The following ZFHX3 variants were observed in gnomAD, a reference collection of about 807,000 sequenced individuals.
ZFHX3 encodes zinc finger homeobox 3.
Under a neutral mutation model 279.1 loss-of-function variants are expected in ZFHX3, and 42 were observed. The ratio of observed to expected loss-of-function variants is 0.15; its 90% CI spans 0.12 to 0.19. The LOEUF is 0.19. Among genes scored for constraint, ZFHX3 ranks in the 10% least tolerant of loss-of-function variants. ZFHX3 has a pLI of 1.00. For synonymous variants in ZFHX3, 2,293 were observed against 1,957.8 expected (o/e 1.17, Z -4.52); for missense variants, 4,981 against 4,754.0 (o/e 1.05, Z -1.40).
chr16:73,180,270 G>C (rs1214084757), intron 5 of ZFHX3, among the ~76,000 whole-genome samples: 1 of 152,112 alleles, frequency 6.6e-6, no homozygotes, highest in Non-Finnish European at 1.5e-5. Context: ...AAATTTAAAG[G>C]CATGTTGGGA....
intron 1 of ZFHX3, among the ~76,000 whole-genome samples, chr16:73,746,853 G>C (rs1435918574): frequency 1.3e-5 from 2 of 152,178 alleles, no homozygotes; most frequent in African/African-American, 4.8e-5. Context: ...CTACTATTAA[G>C]AGACTAGCCT....
At chr16:73,640,070 T>A (rs2052560720) in intron 2 of ZFHX3, among the ~76,000 whole-genome samples, 1 of 152,192 alleles carries the variant, frequency 6.6e-6, no homozygotes, top group African/African-American at 2.4e-5. Context: ...TCCTGTTTCA[T>A]TTCTTCAGAA....
intron 1 of ZFHX3, among the ~76,000 whole-genome samples, chr16:73,027,352 C>G (rs1250763298): frequency 6.6e-6 from 1 of 152,246 alleles, no homozygotes; most frequent in Non-Finnish European, 1.5e-5. Context: ...ACTCTCCAGT[C>G]CAGTCAAAAT....
At position 73,874,764 on chromosome 16, in the gene ZFHX3, T is replaced by C. The variant is rs117790023; in HGVS notation, c.-1608+16887A>G. On this transcript the variant is annotated intron_variant, in intron 1 of 17. Coordinates refer to the ZFHX3 transcript ENST00000641206. ...AAAACTGAATATTCACATACAAAAA[T>C]TCACATATTATCCTGCCTTTCTGTT... Among the ~76,000 whole-genome samples, 447 of 152,316 alleles carry C rather than the reference T, an allele frequency of 2.9e-3. 3 individuals carry two copies. Among genetic ancestry groups the C allele is most frequent in the Non-Finnish European group, 4.9e-3 (333 of 68,024 alleles).
chr16:73,424,089 C>A (rs1452923758), intron 3 of ZFHX3, among the ~76,000 whole-genome samples: 1 of 152,078 alleles, frequency 6.6e-6, no homozygotes, highest in Non-Finnish European at 1.5e-5. Flanking sequence ...GAGAGCCCAC[C>A]CTACCACTAC....
rs148412351 is a variant in ZFHX3 at position 73,434,952 on chromosome 16, T to C, written c.-1291+21051A>G. Among the ~76,000 whole-genome samples, 753 of 152,284 alleles carry C rather than the reference T, an allele frequency of 4.9e-3. 4 individuals carry two copies. Among genetic ancestry groups the C allele is most frequent in the South Asian group, 0.013 (65 of 4,828 alleles). ...TCGTGGGGTGGATTAAATGAATGAA[T>C]ACCTCTGCAATGCATCAATAGTGCC... is the stretch of plus-strand genomic sequence containing the variant. On this transcript the variant is annotated intron_variant, in intron 3 of 17. Coordinates refer to the ZFHX3 transcript ENST00000641206.
At chr16:72,800,723 C>CAAGGG in intron 7 of ZFHX3, among the ~76,000 whole-genome samples, 1 of 150,440 alleles carries the variant, frequency 6.6e-6, no homozygotes, top group South Asian at 2.1e-4. Flanking sequence ...AAGCTGACAT[C>CAAGGG]AAGCACAAAC....
intron 1 of ZFHX3, among the ~76,000 whole-genome samples, chr16:72,977,102 G>A (rs750636939): frequency 2.0e-5 from 3 of 152,200 alleles, no homozygotes; most frequent in East Asian, 1.9e-4. Context: ...CTTTGATGTC[G>A]AGTTGACAAG....
At chr16:72,909,674 C>T (rs554254687) in intron 3 of ZFHX3, among the ~76,000 whole-genome samples, 26 of 151,926 alleles carry the variant, frequency 1.7e-4, no homozygotes, top group East Asian at 9.7e-4. Context: ...CTCAGGAGTT[C>T]GAGACCAGCC....
chr16:73,664,033 G>A (rs983783454), intron 2 of ZFHX3, among the ~76,000 whole-genome samples: 3 of 152,128 alleles, frequency 2.0e-5, no homozygotes, highest in East Asian at 1.9e-4. Flanking sequence ...TAGACAAATT[G>A]TTTTCAAAGA....
chr16:73,781,264 G>A (rs1344690680), intron 1 of ZFHX3, among the ~76,000 whole-genome samples: 2 of 152,140 alleles, frequency 1.3e-5, no homozygotes, highest in Non-Finnish European at 1.5e-5. Context: ...ACATTCATCA[G>A]AATTTTACCT....
intron 8 of ZFHX3, among the ~76,000 whole-genome samples, 160 bp from the exon 9 acceptor site, chr16:72,798,874 G>T (rs1305988094): frequency 6.6e-6 from 1 of 152,214 alleles, no homozygotes; most frequent in East Asian, 1.9e-4. Context: ...AGCGCCTCCT[G>T]CTTTCTTTTG....
chr16:73,553,267 T>C (rs895607422), intron 2 of ZFHX3, among the ~76,000 whole-genome samples: 37 of 152,158 alleles, frequency 2.4e-4, no homozygotes, highest in African/African-American at 8.2e-4. Flanking sequence ...GATTTCACCT[T>C]AATCTCAACA....
At chr16:72,954,263 G>A (rs1393064929) in intron 2 of ZFHX3, among the ~76,000 whole-genome samples, 3 of 152,166 alleles carry the variant, frequency 2.0e-5, no homozygotes, top group East Asian at 1.9e-4. Context: ...CCAGCTACTC[G>A]GAAGGCAGAG....
At chr16:73,272,747 A>T (rs1419857048) in intron 4 of ZFHX3, among the ~76,000 whole-genome samples, 1 of 152,144 alleles carries the variant, frequency 6.6e-6, no homozygotes, top group Non-Finnish European at 1.5e-5. Flanking sequence ...GGGTATCTTT[A>T]ATGCAATGTT....
intron 5 of ZFHX3, among the ~76,000 whole-genome samples, chr16:73,221,227 C>A (rs2012408109): frequency 6.6e-6 from 1 of 152,058 alleles, no homozygotes; most frequent in Non-Finnish European, 1.5e-5. Context: ...TTTCTGCTTA[C>A]AAATGGTATG....
chr16:73,641,296 G>A (rs757195297), intron 2 of ZFHX3, among the ~76,000 whole-genome samples: 16 of 152,134 alleles, frequency 1.1e-4, no homozygotes, highest in Non-Finnish European at 2.2e-4. Context: ...AACCAGGAGA[G>A]AGGAAATGGG....
At chr16:73,890,021 T>C (rs1034870071) in intron 1 of ZFHX3, among the ~76,000 whole-genome samples, 7 of 152,140 alleles carry the variant, frequency 4.6e-5, no homozygotes, top group African/African-American at 1.4e-4. Context: ...ATCAGGGTTA[T>C]TGCACACATA....
chr16:72,811,329 C>T (rs536995113), intron 7 of ZFHX3, among the ~76,000 whole-genome samples: 1 of 152,300 alleles, frequency 6.6e-6, no homozygotes, highest in African/African-American at 2.4e-5. Context: ...CTAATCCATG[C>T]CTCTGTCCCC....
Sources: allele counts gnomAD v4.1 joint callset (sites outside exome capture counted in the v4.1 genomes callset), GRCh38; gene constraint gnomAD v4.1.1; transcripts MANE v1.5; gene names NCBI Gene and HGNC (gene_info 2026-07-23, HGNC 2026-07-21).